Variants in HRH1 observed in about 807,000 individuals in gnomAD.
HRH1 encodes the protein histamine H1 receptor.
A neutral mutation model predicts 10.3 loss-of-function variants in HRH1; 6 were observed. That is an observed-to-expected ratio of 0.58 (90% confidence interval 0.32 to 1.15). HRH1 has a LOEUF of 1.15. Among genes scored for constraint, HRH1 ranks in the 50% most tolerant of loss-of-function variants. The pLI, the probability that HRH1 is intolerant of heterozygous loss-of-function variation, is 0.05. For missense variants in HRH1, 514 were observed against 615.3 expected (o/e 0.84, Z 1.74); for synonymous variants, 242 against 236.7 (o/e 1.02, Z -0.21).
chr3:11,245,496 T>G (rs1285114444), intron 1 of HRH1, among the ~76,000 whole-genome samples: 1 of 152,214 alleles, frequency 6.6e-6, no homozygotes, highest in Non-Finnish European at 1.5e-5. Context: ...CGCCCAGATA[T>G]GCCTCTTGGG....
At chr3:11,170,331 T>C (rs1403030355) in intron 1 of HRH1, among the ~76,000 whole-genome samples, 1 of 152,232 alleles carries the variant, frequency 6.6e-6, no homozygotes, top group African/African-American at 2.4e-5. Context: ...AAGTCGTTTC[T>C]CTTAGAGATG....
chr3:11,231,095 CAGTT>C (rs941734418), intron 1 of HRH1, among the ~76,000 whole-genome samples: 79 of 152,310 alleles, frequency 5.2e-4, no homozygotes, highest in African/African-American at 1.8e-3. Context: ...AAATGTCACA[CAGTT>C]AGTAACCTTT....
chr3:11,139,102 C>T (rs1420277485), intron 1 of HRH1, among the ~76,000 whole-genome samples: 2 of 151,678 alleles, frequency 1.3e-5, no homozygotes. Flanking sequence ...ATTCTCCTGC[C>T]TCAGCCTCCC....
At chr3:11,179,619 C>CAA (rs573336817) in intron 1 of HRH1, among the ~76,000 whole-genome samples, 12 of 109,390 alleles carry the variant, frequency 1.1e-4, no homozygotes, top group African/African-American at 2.0e-4. Context: ...GACTCTGTCT[C>CAA]AAAAAAAAAA....
rs1329871666 is a variant in HRH1 at position 11,154,898 on chromosome 3, T to C, written c.-36+344T>C. Among the ~76,000 whole-genome samples the C allele has an allele frequency of 6.6e-6, 1 of 152,162 alleles. No individual in the cohort carries two copies. The highest frequency in any genetic ancestry group is 2.4e-5 in the African/African-American group (1 of 41,448). ...GGGGGAGCCTCGTTTTCTTTGAGCC[T>C]CCCCAGGGTCTGAGTTCGCTGCTAA... On this transcript the variant is annotated intron_variant, in intron 1 of 1. Transcript: ENST00000431010. This position sits in a 1 kb window ranked among gnomAD's most constrained non-coding sequence, Gnocchi z 4.4.
intron 1 of HRH1, among the ~76,000 whole-genome samples, chr3:11,218,256 C>T (rs1051003355): frequency 1.1e-4 from 17 of 151,802 alleles, no homozygotes; most frequent in African/African-American, 3.9e-4. Context: ...ACCAGCCTGG[C>T]CAATATGGTG....
rs192594393 is a variant in HRH1 at position 11,196,936 on chromosome 3, C to T, written c.-36+42382C>T. Among the ~76,000 whole-genome samples, 864 of 137,430 alleles carry T rather than the reference C, an allele frequency of 6.3e-3. 6 individuals are homozygous for T. The highest frequency in any genetic ancestry group is 0.023 in the African/African-American group (822 of 35,784). The allele number at this position is 137,430 out of a possible 152,430, so 90.2% of individuals were successfully genotyped here. On this transcript the variant is annotated intron_variant, in intron 1 of 1. Coordinates refer to ENST00000431010, the MANE Select transcript of HRH1 (RefSeq NM_001098212.2). ...CATCCTGGCTAACATGGTGAAACCC[C>T]GTCTCTACTAAAAATACAAAAAAAA...
At chr3:11,165,221 G>T (rs1303507294) in intron 1 of HRH1, among the ~76,000 whole-genome samples, 2 of 152,182 alleles carry the variant, frequency 1.3e-5, no homozygotes, top group Non-Finnish European at 2.9e-5. Context: ...AAGGTATGAT[G>T]CTTGCTGCCT....
chr3:11,258,223 C>A (rs904002264), intron 1 of HRH1, among the ~76,000 whole-genome samples: 1 of 136,372 alleles, frequency 7.3e-6, no homozygotes, highest in Non-Finnish European at 1.5e-5. Flanking sequence ...GTAAGAACTG[C>A]CACAACAGTG....
intron 1 of HRH1, among the ~76,000 whole-genome samples, chr3:11,178,858 C>G (rs546962175): frequency 6.6e-6 from 1 of 152,184 alleles, no homozygotes; most frequent in Non-Finnish European, 1.5e-5. Flanking sequence ...ATCACTTCAC[C>G]TCTCGGAGTC....
intron 1 of HRH1, among the ~76,000 whole-genome samples, chr3:11,211,423 G>T (rs1267531520): frequency 6.6e-6 from 1 of 152,194 alleles, no homozygotes; most frequent in Non-Finnish European, 1.5e-5. Flanking sequence ...ACCTGCTAAG[G>T]CAGTACCTAC....
chr3:11,214,646 AT>A (rs1187517216), intron 1 of HRH1, among the ~76,000 whole-genome samples: 1 of 152,270 alleles, frequency 6.6e-6, no homozygotes, highest in Non-Finnish European at 1.5e-5. Flanking sequence ...AATGCTTACC[AT>A]GTATAAAACA....
chr3:11,198,407 G>T (rs576599154), intron 1 of HRH1, among the ~76,000 whole-genome samples: 1 of 152,112 alleles, frequency 6.6e-6, no homozygotes, highest in Admixed American at 6.6e-5. Flanking sequence ...TTAACGAAGG[G>T]ACAAGATGAC....
At chr3:11,161,898 C>T (rs917933970) in intron 1 of HRH1, among the ~76,000 whole-genome samples, 3 of 152,186 alleles carry the variant, frequency 2.0e-5, no homozygotes, top group African/African-American at 7.2e-5. Flanking sequence ...CGATAAATAG[C>T]ACTCCTCTGC....
intron 1 of HRH1, among the ~76,000 whole-genome samples, chr3:11,209,384 G>A (rs1242807562): frequency 6.6e-6 from 1 of 152,070 alleles, no homozygotes. Context: ...TGGGATTATG[G>A]GCATGAGCCA....
upstream of HRH1, among the ~76,000 whole-genome samples, chr3:11,151,938 T>G (rs1936638087): frequency 6.6e-6 from 1 of 152,224 alleles, no homozygotes; most frequent in Admixed American, 6.5e-5. Flanking sequence ...AATCTACTTA[T>G]TTCTTCTCAT....
At chr3:11,182,578 G>A (rs1334677422) in intron 1 of HRH1, among the ~76,000 whole-genome samples, 4 of 152,212 alleles carry the variant, frequency 2.6e-5, no homozygotes, top group Non-Finnish European at 5.9e-5. Flanking sequence ...GCCTTCAGCA[G>A]TGGTTCTCAG....
chr3:11,261,836 C>CAA lies in HRH1; in HGVS notation c.*1345_*1346dup, dbSNP rs34162964. The stretch of plus-strand genomic sequence containing the variant: ...TGGGCAACAGAGCAAGACTCTGTCT[C>CAA]AAAAAAAAAAATACAATATTTTAAC... On this transcript the variant is annotated 3_prime_UTR_variant, in exon 2 of 2. Transcript: ENST00000431010. The CAA allele has an allele frequency of 1.3e-4, 20 of 155,932 alleles. No individual in the cohort carries two copies. The highest frequency in any genetic ancestry group is 2.1e-4 in the Non-Finnish European group (14 of 66,318). The allele number at this position is 155,932 out of a possible 1,614,324, so 9.7% of individuals were successfully genotyped here.
At chr3:11,144,424 TATA>T (rs1936368168) in intron 1 of HRH1, among the ~76,000 whole-genome samples, 1 of 150,528 alleles carries the variant, frequency 6.6e-6, no homozygotes, top group Non-Finnish European at 1.5e-5. Flanking sequence ...TATAGGTATA[TATA>T]CATATAGACA....
Sources: allele counts gnomAD v4.1 joint callset (sites outside exome capture counted in the v4.1 genomes callset), GRCh38; gene constraint gnomAD v4.1.1; non-coding constraint Gnocchi (gnomAD v3.1); transcripts MANE v1.5; gene names NCBI Gene and HGNC (gene_info 2026-07-23, HGNC 2026-07-21).